The following HECW2 variants were observed in gnomAD, a reference collection of about 807,000 sequenced individuals.
HECW2 encodes HECT, C2 and WW domain containing E3 ubiquitin protein ligase 2, also known as E3 ubiquitin-protein ligase HECW2.
A neutral mutation model predicts 175.2 loss-of-function variants in HECW2; 61 were observed. The observed-to-expected ratio is 0.35, with a 90% CI of 0.28 to 0.43. The LOEUF (loss-of-function observed/expected upper bound fraction) is 0.43, where lower values mean the gene tolerates loss of function less well. Among genes scored for constraint, HECW2 ranks in the 20% least tolerant of loss-of-function variants. The pLI is 1.00. For missense variants in HECW2, 1,524 were observed against 2,000.5 expected (o/e 0.76, Z 4.54); for synonymous variants, 671 against 731.0 (o/e 0.92, Z 1.32).
chr2:196,434,485 G>C (rs1695812405), intron 1 of HECW2, among the ~76,000 whole-genome samples: 1 of 152,148 alleles, frequency 6.6e-6, no homozygotes, highest in South Asian at 2.1e-4. Context: ...ACTGAGTCTA[G>C]TTATAAAATA....
At chr2:196,264,939 G>C (rs1461375753) in intron 17 of HECW2, among the ~76,000 whole-genome samples, 1 of 152,096 alleles carries the variant, frequency 6.6e-6, no homozygotes, top group Admixed American at 6.5e-5. Flanking sequence ...AAGATAATTA[G>C]TTCCTTGGAA....
At chr2:196,342,946 T>C (rs1304259231) in intron 3 of HECW2, among the ~76,000 whole-genome samples, 1 of 70,802 alleles carries the variant, frequency 1.4e-5, no homozygotes, top group African/African-American at 5.7e-5. Flanking sequence ...AAAGTAACCA[T>C]ATATAATTTA....
chr2:196,333,546 T>G (rs564008834), intron 4 of HECW2, among the ~76,000 whole-genome samples: 1 of 152,106 alleles, frequency 6.6e-6, no homozygotes, highest in Non-Finnish European at 1.5e-5. Context: ...GTTGTAAAGA[T>G]TCTATGTCAT....
intron 2 of HECW2, among the ~76,000 whole-genome samples, chr2:196,406,464 T>C (rs1319299585): frequency 1.3e-5 from 2 of 152,196 alleles, no homozygotes; most frequent in Non-Finnish European, 2.9e-5. Context: ...CCATATTCCC[T>C]CTCATCTGCA....
At chr2:196,347,738 T>C (rs945880872) in intron 2 of HECW2, among the ~76,000 whole-genome samples, 9 of 152,200 alleles carry the variant, frequency 5.9e-5, no homozygotes, top group Admixed American at 3.9e-4. Context: ...TTGGCCTTCA[T>C]AAGGAAGGAA....
intron 1 of HECW2, among the ~76,000 whole-genome samples, chr2:196,530,165 C>A (rs757346799): frequency 8.5e-5 from 13 of 152,198 alleles, no homozygotes; most frequent in Non-Finnish European, 1.8e-4. Context: ...ATGTGCTGTC[C>A]AGTTCCCCAA....
intron 1 of HECW2, among the ~76,000 whole-genome samples, chr2:196,469,629 A>C (rs1697115434): frequency 1.3e-5 from 2 of 152,158 alleles, no homozygotes; most frequent in African/African-American, 4.8e-5. Context: ...ATATGTCATT[A>C]AATAGTCATA....
At chr2:196,517,215 G>A (rs1167685535) in intron 1 of HECW2, among the ~76,000 whole-genome samples, 1 of 152,096 alleles carries the variant, frequency 6.6e-6, no homozygotes, top group Non-Finnish European at 1.5e-5. Flanking sequence ...ATCCTCTAAG[G>A]TAGATCTCTA....
At chr2:196,243,403 G>A (rs1376340329) in intron 19 of HECW2, among the ~76,000 whole-genome samples, 1 of 151,906 alleles carries the variant, frequency 6.6e-6, no homozygotes, top group Non-Finnish European at 1.5e-5. Context: ...CCGACCTCAG[G>A]TAATCCACCT....
intron 16 of HECW2, among the ~76,000 whole-genome samples, chr2:196,273,394 G>A (rs1007227419): frequency 4.6e-5 from 7 of 152,046 alleles, no homozygotes; most frequent in African/African-American, 1.4e-4. Context: ...GACGGAGCAC[G>A]GAGCCCATAT....
At chr2:196,447,669 ACTTT>A (rs1015100712) in intron 1 of HECW2, among the ~76,000 whole-genome samples, 3 of 152,168 alleles carry the variant, frequency 2.0e-5, no homozygotes, top group Non-Finnish European at 2.9e-5. Flanking sequence ...TTGCAATATG[ACTTT>A]CTTTATGACT....
rs1328156067 is a variant in HECW2, at chr2:196,434,257, G to A, written c.-35-799C>T. The stretch of plus-strand genomic sequence containing the variant: ...TTGTTAAATAACAGATGCAGGAAGA[G>A]TAAGCATCTTTCTCCTAGATACTTC... On this transcript the variant is annotated intron_variant, in intron 1 of 28. Coordinates refer to ENST00000644978, the MANE Select transcript of HECW2 (RefSeq NM_001348768.2). 2.0e-5 allele frequency among the ~76,000 whole-genome samples: 3 copies of A among 152,200 alleles called. No individual in the cohort carries two copies. In the East Asian group the frequency reaches 5.8e-4, roughly 29 times the overall value.
intron 1 of HECW2, among the ~76,000 whole-genome samples, chr2:196,563,289 G>C (rs1349881704): frequency 1.3e-5 from 2 of 151,922 alleles, no homozygotes; most frequent in African/African-American, 4.8e-5. Flanking sequence ...TTCCTGGCTG[G>C]GCACGGTGGC....
At chr2:196,458,567 G>A (rs1415165407) in intron 1 of HECW2, among the ~76,000 whole-genome samples, 1 of 152,050 alleles carries the variant, frequency 6.6e-6, no homozygotes, top group Non-Finnish European at 1.5e-5. Context: ...GAAACCAGAT[G>A]ATAAAGATGA....
intron 2 of HECW2, among the ~76,000 whole-genome samples, chr2:196,400,273 A>G (rs1694782248): frequency 1.3e-5 from 2 of 152,230 alleles, no homozygotes; most frequent in African/African-American, 4.8e-5. Flanking sequence ...CAACATTGCA[A>G]AGAAATTGCA....
At chr2:196,415,490 G>C (rs2125236051) in intron 2 of HECW2, among the ~76,000 whole-genome samples, 1 of 152,218 alleles carries the variant, frequency 6.6e-6, no homozygotes, top group African/African-American at 2.4e-5. Context: ...CTGGGACACT[G>C]GCTCTCTGAG....
intron 1 of HECW2, among the ~76,000 whole-genome samples, chr2:196,521,185 G>A (rs1473314499): frequency 2.0e-5 from 3 of 148,724 alleles, no homozygotes; most frequent in Non-Finnish European, 4.4e-5. Flanking sequence ...CTAGAAAGTA[G>A]TGAGACCAGC....
chr2:196,582,359 C>T (rs563118712), intron 1 of HECW2, among the ~76,000 whole-genome samples: 1 of 152,294 alleles, frequency 6.6e-6, no homozygotes, highest in Non-Finnish European at 1.5e-5. Flanking sequence ...GTCCAGCATC[C>T]TTGCCCTGAC....
At chr2:196,434,377 T>C (rs1559108585) in intron 1 of HECW2, among the ~76,000 whole-genome samples, 1 of 152,178 alleles carries the variant, frequency 6.6e-6, no homozygotes, top group Non-Finnish European at 1.5e-5. Context: ...ATCTGGATCA[T>C]GATAAGCTAT....
Sources: gnomAD v4.1 joint callset for allele counts (sites outside exome capture counted in the v4.1 genomes callset) on GRCh38, gnomAD v4.1.1 for gene constraint, MANE v1.5 for transcripts, NCBI Gene and HGNC (gene_info 2026-07-23, HGNC 2026-07-21) for gene names.